UBA2: variants seen among roughly 807,000 people sequenced by gnomAD.
UBA2 encodes SUMO-activating enzyme subunit 2.
Under a neutral mutation model 77.2 loss-of-function variants are expected in UBA2, and 11 were observed. That is an observed-to-expected ratio of 0.14 (90% CI 0.09 to 0.24). The LOEUF is 0.24. UBA2 is among the 10% of genes least tolerant of loss of function. UBA2 has a pLI of 1.00. For missense variants in UBA2, 487 were observed against 781.7 expected, an observed-to-expected ratio of 0.62 and a Z score of 4.50; for synonymous variants, 278 against 276.7, an observed-to-expected ratio of 1.00 and a Z score of -0.05.
chr19:34,434,890 A>C lies in UBA2; in HGVS notation c.381A>C (p.Arg127Ser). 1 of 1,606,646 alleles carries C rather than the reference A, an allele frequency of 6.2e-7. No individual in the cohort carries two copies. Among genetic ancestry groups the C allele is most frequent in the Non-Finnish European group, 8.5e-7 (1 of 1,175,864 alleles). Residue 127 changes from arginine (R) to serine (S), a missense_variant, in exon 5 of 17, where the codon AGA (arginine) becomes AGC (serine). Arg to Ser is a moderately radical substitution (Grantham distance 110). This residue lies in a region of UBA2 where 66 missense variants were observed against 112.0 expected (regional missense o/e 0.59). Transcript: ENST00000246548. ...CAGCTGCCCGAAACCATGTTAATAG[A>C]ATGTGCCTGGCAGCTGATGTTCCTC... The part of the protein sequence containing the change: ...DNRAARNHVN[R>S]MCLAADVPLI...
At chr19:34,465,569 G>A (rs1010649383) in intron 15 of UBA2, among the ~76,000 whole-genome samples, 7 of 150,100 alleles carry the variant, frequency 4.7e-5, no homozygotes, top group African/African-American at 1.7e-4. Context: ...CCGGGGAGCC[G>A]AGTTTGCAGT....
At chr19:34,445,800 A>G (rs1376489124) in intron 8 of UBA2, among the ~76,000 whole-genome samples, 3 of 152,022 alleles carry the variant, frequency 2.0e-5, no homozygotes, top group Non-Finnish European at 4.4e-5. Context: ...ATGTGTCCTA[A>G]ATTGCCCTTG....
At chr19:34,429,529 C>T (rs2075227699) in intron 1 of UBA2, among the ~76,000 whole-genome samples, 1 of 152,088 alleles carries the variant, frequency 6.6e-6, no homozygotes, top group Non-Finnish European at 1.5e-5. Flanking sequence ...AGTTTCCTTT[C>T]ACAGTTCTCA....
intron 14 of UBA2, among the ~76,000 whole-genome samples, chr19:34,461,062 G>C (rs1374511478): frequency 6.6e-6 from 1 of 152,166 alleles, no homozygotes; most frequent in African/African-American, 2.4e-5. Context: ...CAATACATTT[G>C]ATTCTGTTGA....
At position 34,469,024 on chromosome 19, in the gene UBA2, T is replaced by G; in HGVS notation, c.1742-16T>G. ...CGCTTTTACCCATTTTCTTTTTCCCTTTTTTCTGAAATAAGCTCAAGAGCA... is the reference window on the plus strand; with the variant it reads ...CGCTTTTACCCATTTTCTTTTTCCCGTTTTTCTGAAATAAGCTCAAGAGCA... On this transcript the variant is annotated splice_polypyrimidine_tract_variant and intron_variant, in intron 16 of 16. Coordinates refer to ENST00000246548, the MANE Select transcript of UBA2 (RefSeq NM_005499.3). The G allele has an allele frequency of 6.3e-7, 1 of 1,580,776 alleles. No individual in the cohort carries two copies. Among genetic ancestry groups the G allele is most frequent in the Non-Finnish European group, 8.6e-7 (1 of 1,166,888 alleles).
At chr19:34,445,817 A>C (rs1346164309) in intron 8 of UBA2, among the ~76,000 whole-genome samples, 2 of 152,160 alleles carry the variant, frequency 1.3e-5, no homozygotes, top group African/African-American at 4.8e-5. Flanking sequence ...CTTGAACCCC[A>C]TAAGCCCCTT....
chr19:34,464,482 C>T lies in UBA2; in HGVS notation c.1604+351C>T, dbSNP rs1029608620. On this transcript the variant is annotated intron_variant, in intron 15 of 16. Coordinates refer to ENST00000246548, the MANE Select transcript of UBA2 (RefSeq NM_005499.3). ...CTAAGGTAGGAGAATCCCTTGAACC[C>T]GAGAGGTGGAGGTTGCAGTCAGCCG... is the stretch of plus-strand genomic sequence containing the variant. Among the ~76,000 whole-genome samples, 5 of 151,662 alleles carry T rather than the reference C, an allele frequency of 3.3e-5. 1 individual carries two copies. Among genetic ancestry groups the T allele is most frequent in the Admixed American group, 6.6e-5 (1 of 15,208 alleles).
chr19:34,431,630 G>T (rs1470571670), intron 2 of UBA2, among the ~76,000 whole-genome samples: 1 of 152,064 alleles, frequency 6.6e-6, no homozygotes, highest in Non-Finnish European at 1.5e-5. Flanking sequence ...GTAGAAGTGT[G>T]TTTGGTGGTA....
At chr19:34,428,752 C>A (rs1243373133) in intron 1 of UBA2, 182 bp downstream of exon 1, 3 of 1,138,968 alleles carry the variant, frequency 2.6e-6, no homozygotes, top group African/African-American at 3.2e-5. Context: ...GTTCTTTGGG[C>A]ACGGGGCGGG....
At chr19:34,441,787 G>A (rs1353632450) in intron 6 of UBA2, among the ~76,000 whole-genome samples, 1 of 152,044 alleles carries the variant, frequency 6.6e-6, no homozygotes, top group Non-Finnish European at 1.5e-5. Context: ...GGGGTGTGGT[G>A]GCACACGCCT....
intron 14 of UBA2, among the ~76,000 whole-genome samples, chr19:34,462,362 T>A (rs1314195478): frequency 6.6e-6 from 1 of 152,198 alleles, no homozygotes; most frequent in Non-Finnish European, 1.5e-5. Context: ...TCACAGGTGA[T>A]GCTAGTTCAC....
chr19:34,456,100 C>CTTTTCTTTTTTTTTTTTTTTTTTTT (rs2075557152), intron 12 of UBA2, among the ~76,000 whole-genome samples: 6 of 55,782 alleles, frequency 1.1e-4, no homozygotes, highest in African/African-American at 2.2e-4. Context: ...TTTTCCTTTT[C>CTTTTCTTTTTTTTTTTTTTTTTTTT]TTTTTCTTTT....
intron 4 of UBA2, among the ~76,000 whole-genome samples, chr19:34,434,617 G>A (rs1212624937): frequency 6.6e-6 from 1 of 152,150 alleles, no homozygotes; most frequent in African/African-American, 2.4e-5. Flanking sequence ...TGGCACGTTG[G>A]ATTTTTAAGA....
Position 34,451,965 on chromosome 19 carries a change from A to ATTTTT in UBA2, c.872-15_872-14insTTTTT. On this transcript the variant is annotated splice_polypyrimidine_tract_variant and intron_variant, in intron 9 of 16. Transcript: ENST00000246548. ...TTAATTAGTGAAATTTCTAATATAT[A>ATTTTT]TATTTTTTTCTTTAGGAGAAGAAAC... 2 of 1,380,306 alleles carry ATTTTT rather than the reference A, an allele frequency of 1.4e-6. No individual in the cohort carries two copies. Among genetic ancestry groups the ATTTTT allele is most frequent in the Non-Finnish European group, 9.8e-7 (1 of 1,018,030 alleles). 85.5% of individuals were successfully genotyped at this position (1,380,306 alleles called of 1,614,324 possible).
chr19:34,430,747 A>G (rs2145485892), intron 2 of UBA2, 88 bp downstream of exon 2: 1 of 976,502 alleles, frequency 1.0e-6, no homozygotes, highest in Non-Finnish European at 1.6e-6. Context: ...ATAGGAGGGA[A>G]AAAATGGGTG....
intron 7 of UBA2, 145 bp downstream of exon 7, chr19:34,444,056 T>A (rs866967681): frequency 2.2e-6 from 1 of 455,236 alleles, no homozygotes; most frequent in Admixed American, 4.1e-5. Flanking sequence ...TTTTTTTTTT[T>A]TTTTTTTTTT....
chr19:34,450,429 T>C (rs1332475874), intron 9 of UBA2, 65 bp downstream of exon 9: 1 of 1,139,282 alleles, frequency 8.8e-7, no homozygotes, highest in African/African-American at 1.6e-5. Flanking sequence ...AGTCTTTGTA[T>C]AGCCCTGTTG....
At chr19:34,438,904 T>A in intron 6 of UBA2, 138 bp downstream of exon 6, 1 of 1,220,332 alleles carries the variant, frequency 8.2e-7, no homozygotes, top group Non-Finnish European at 1.1e-6. Flanking sequence ...TTTCTTGCAG[T>A]ATTTCTTAGG....
chr19:34,460,790 C>G (rs1430162726), intron 14 of UBA2, among the ~76,000 whole-genome samples: 1 of 152,278 alleles, frequency 6.6e-6, no homozygotes, highest in East Asian at 1.9e-4. Context: ...TTGTCCACTT[C>G]CAAGGAACCT....
Sources: allele counts gnomAD v4.1 joint callset (sites outside exome capture counted in the v4.1 genomes callset), GRCh38; gene constraint gnomAD v4.1.1; regional missense constraint gnomAD v4.1.1; transcripts MANE v1.5; gene names NCBI Gene and HGNC (gene_info 2026-07-23, HGNC 2026-07-21).